Variants in ADAMTS19 observed in about 807,000 individuals in gnomAD.
ADAMTS19 encodes the protein ADAM metallopeptidase with thrombospondin type 1 motif 19, also known as A disintegrin and metalloproteinase with thrombospondin motifs 19.
Under a neutral mutation model 153.3 loss-of-function variants are expected in ADAMTS19, and 93 were observed. The observed-to-expected ratio is 0.61, with a 90% CI of 0.51 to 0.72. The LOEUF (loss-of-function observed/expected upper bound fraction) is 0.72, where lower values mean the gene tolerates loss of function less well. ADAMTS19 is among the 30% of genes least tolerant of loss of function. ADAMTS19 has a pLI of 0.00. For missense variants in ADAMTS19, 1,482 were observed against 1,552.1 expected, an observed-to-expected ratio of 0.95 and a Z score of 0.76; for synonymous variants, 600 against 556.6, an observed-to-expected ratio of 1.08 and a Z score of -1.10.
chr5:129,625,197 T>C (rs1461321361), intron 10 of ADAMTS19, among the ~76,000 whole-genome samples: 2 of 152,228 alleles, frequency 1.3e-5, no homozygotes, highest in East Asian at 3.8e-4. Context: ...TAGTATTCCA[T>C]GGTGTATATG....
intron 3 of ADAMTS19, among the ~76,000 whole-genome samples, chr5:129,524,296 A>G (rs989703777): frequency 6.6e-6 from 1 of 152,212 alleles, no homozygotes; most frequent in East Asian, 1.9e-4. Context: ...ACACTATACA[A>G]AAATTCACTC....
At chr5:129,527,633 T>TAAAAA (rs373626538) in intron 4 of ADAMTS19, 115 bp from the exon 5 acceptor site, 88 of 164,968 alleles carry the variant, frequency 5.3e-4, no homozygotes, top group African/African-American at 2.4e-3. Context: ...TTTTTTTTTT[T>TAAAAA]AAAAAAAAAA....
chr5:129,638,027 T>A (rs900972201), intron 10 of ADAMTS19, among the ~76,000 whole-genome samples: 1 of 152,140 alleles, frequency 6.6e-6, no homozygotes, highest in African/African-American at 2.4e-5. Context: ...CTGGGCTTAA[T>A]ACCTGGGTGA....
rs951951198 is a variant in ADAMTS19, at chr5:129,684,200, C to T, written c.2745C>T (p.Ser915=). The change falls in exon 18 of 23, where the codon AGC becomes AGT. Residue 915 remains serine, a synonymous_variant. Transcript: ENST00000274487. ...IPSDPLPENQ[S]SKAPEPLFMW... is the part of the protein sequence containing the mutation. ...CAGACCCTCTTCCAGAAAACCAGAGCTCTAAAGCACCTGAGCCCCTCTTCA... is the reference window on the plus strand; with the variant it reads ...CAGACCCTCTTCCAGAAAACCAGAGTTCTAAAGCACCTGAGCCCCTCTTCA... 6 of 1,614,090 alleles carry T rather than the reference C, an allele frequency of 3.7e-6. No individual in the cohort carries two copies. In the African/African-American group the frequency reaches 4.0e-5, roughly 11 times the overall value.
intron 16 of ADAMTS19, among the ~76,000 whole-genome samples, chr5:129,675,610 A>AT (rs1178760991): frequency 6.6e-6 from 1 of 151,952 alleles, no homozygotes; most frequent in Non-Finnish European, 1.5e-5. Context: ...TATTATATAT[A>AT]TTTTTTCTAT....
intron 9 of ADAMTS19, among the ~76,000 whole-genome samples, chr5:129,621,988 A>T (rs1395064162): frequency 1.3e-5 from 2 of 152,196 alleles, no homozygotes; most frequent in African/African-American, 4.8e-5. Flanking sequence ...GTACACCATA[A>T]AGTTCTTTTA....
At chr5:129,722,889 G>A (rs1561670741) in intron 21 of ADAMTS19, among the ~76,000 whole-genome samples, 1 of 152,162 alleles carries the variant, frequency 6.6e-6, no homozygotes, top group Non-Finnish European at 1.5e-5. Flanking sequence ...CCAGGAAATG[G>A]ACTTCACAAC....
intron 2 of ADAMTS19, among the ~76,000 whole-genome samples, chr5:129,464,156 G>A (rs1365466250): frequency 1.3e-5 from 2 of 152,180 alleles, no homozygotes; most frequent in Non-Finnish European, 2.9e-5. Flanking sequence ...GATAAAGAAT[G>A]TCTCCTATGA....
At chr5:129,646,046 G>A (rs970186475) in intron 11 of ADAMTS19, among the ~76,000 whole-genome samples, 9 of 149,424 alleles carry the variant, frequency 6.0e-5, no homozygotes, top group Non-Finnish European at 7.4e-5. Flanking sequence ...CCGCCACTAC[G>A]CCCGGCTAAT....
chr5:129,565,655 T>G (rs1238500033), intron 7 of ADAMTS19, among the ~76,000 whole-genome samples: 4 of 152,204 alleles, frequency 2.6e-5, no homozygotes, highest in Non-Finnish European at 5.9e-5. Context: ...TCATTATTGT[T>G]GCCCAGATAA....
intron 2 of ADAMTS19, among the ~76,000 whole-genome samples, chr5:129,469,876 A>T (rs1750003664): frequency 6.6e-6 from 1 of 152,172 alleles, no homozygotes; most frequent in African/African-American, 2.4e-5. Context: ...CCAGTTTAGC[A>T]TTAGAGTGGC....
intron 8 of ADAMTS19, among the ~76,000 whole-genome samples, chr5:129,598,830 A>G (rs1414578667): frequency 2.0e-5 from 3 of 152,154 alleles, no homozygotes; most frequent in East Asian, 3.9e-4. Flanking sequence ...CATATCCCCA[A>G]ATCCATGCAT....
chr5:129,719,307 GACAA>G (rs1411096865), intron 21 of ADAMTS19, among the ~76,000 whole-genome samples: 1 of 152,068 alleles, frequency 6.6e-6, no homozygotes, highest in African/African-American at 2.4e-5. Context: ...TGAACTCACT[GACAA>G]ACTAGTAGAT....
intron 2 of ADAMTS19, among the ~76,000 whole-genome samples, chr5:129,505,901 A>G (rs1223954821): frequency 6.6e-6 from 1 of 152,150 alleles, no homozygotes; most frequent in Non-Finnish European, 1.5e-5. Context: ...TATGAAAAAC[A>G]CTTATATACT....
chr5:129,465,276 ACAATTATCTTTGC>A (rs1277992885), intron 2 of ADAMTS19, among the ~76,000 whole-genome samples: 2 of 152,142 alleles, frequency 1.3e-5, no homozygotes, highest in African/African-American at 4.8e-5. Flanking sequence ...AAACTGTGCA[ACAATTATCTTTGC>A]TCAAAGTTAA....
At chr5:129,587,726 G>T (rs530711143) in intron 7 of ADAMTS19, among the ~76,000 whole-genome samples, 2 of 152,170 alleles carry the variant, frequency 1.3e-5, no homozygotes, top group East Asian at 1.9e-4. Flanking sequence ...CTCCAGTTTT[G>T]TTACTCCGGC....
chr5:129,734,728 T>C (rs1757590407), intron 21 of ADAMTS19, among the ~76,000 whole-genome samples: 1 of 151,964 alleles, frequency 6.6e-6, no homozygotes, highest in African/African-American at 2.4e-5. Context: ...AAACTCTGTC[T>C]CAGATCAGCC....
intron 8 of ADAMTS19, among the ~76,000 whole-genome samples, chr5:129,611,451 GAATT>G (rs1370692028): frequency 1.3e-5 from 2 of 152,088 alleles, no homozygotes; most frequent in African/African-American, 4.8e-5. Context: ...AATCTATCTT[GAATT>G]AATTATTGTA....
intron 2 of ADAMTS19, among the ~76,000 whole-genome samples, chr5:129,482,297 A>G (rs1384315091): frequency 6.6e-6 from 1 of 151,950 alleles, no homozygotes. Flanking sequence ...CACTTCTCTC[A>G]CCCAACAAAC....
Sources: allele counts gnomAD v4.1 joint callset (sites outside exome capture counted in the v4.1 genomes callset), GRCh38; gene constraint gnomAD v4.1.1; transcripts MANE v1.5; gene names NCBI Gene and HGNC (gene_info 2026-07-23, HGNC 2026-07-21).